TMEM132B: variants seen among roughly 807,000 people sequenced by gnomAD.
The protein encoded by TMEM132B is transmembrane protein 132B.
A neutral mutation model predicts 90.8 loss-of-function variants in TMEM132B; 18 were observed. That is an observed-to-expected ratio of 0.20 (90% confidence interval 0.14 to 0.29). The LOEUF (loss-of-function observed/expected upper bound fraction) is 0.29, where lower values mean the gene tolerates loss of function less well. TMEM132B is among the 10% of genes least tolerant of loss of function. The probability of loss-of-function intolerance (pLI) is 1.00; values close to 1 mark genes in which losing one functional copy is unlikely to be tolerated. For missense variants in TMEM132B, 1,096 were observed against 1,326.8 expected (o/e 0.83, Z 2.70); for synonymous variants, 504 against 523.3 (o/e 0.96, Z 0.50).
intron 2 of TMEM132B, among the ~76,000 whole-genome samples, chr12:125,398,382 G>T (rs1021239266): frequency 1.3e-5 from 2 of 152,210 alleles, no homozygotes. Flanking sequence ...AAAGAAGACC[G>T]ATGTGAGAAA....
At chr12:125,381,222 T>C (rs1231045938) in intron 2 of TMEM132B, among the ~76,000 whole-genome samples, 1 of 152,064 alleles carries the variant, frequency 6.6e-6, no homozygotes, top group Non-Finnish European at 1.5e-5. Context: ...AAGGCCCCAC[T>C]CTCCCATAGA....
chr12:125,194,275 G>GA (rs1337057867), intron 1 of TMEM132B, among the ~76,000 whole-genome samples: 1 of 152,016 alleles, frequency 6.6e-6, no homozygotes, highest in Non-Finnish European at 1.5e-5. Flanking sequence ...CGTTGGTGGG[G>GA]GGGTCTTACT....
chr12:125,560,552 G>A (rs1884495599), intron 4 of TMEM132B, among the ~76,000 whole-genome samples: 1 of 152,140 alleles, frequency 6.6e-6, no homozygotes, highest in Non-Finnish European at 1.5e-5. Context: ...GCCGGGCGCG[G>A]TGGCTCACGC....
chr12:125,319,168 C>T (rs1876359690), intron 1 of TMEM132B, among the ~76,000 whole-genome samples: 1 of 152,216 alleles, frequency 6.6e-6, no homozygotes, highest in African/African-American at 2.4e-5. Context: ...AGAATTTAGT[C>T]CCCATGACTA....
chr12:125,393,016 A>G lies in TMEM132B; in HGVS notation c.960-22515A>G, dbSNP rs370296153. On this transcript the variant is annotated intron_variant, in intron 2 of 8. Coordinates refer to ENST00000682704, the MANE Select transcript of TMEM132B (RefSeq NM_001366854.1). ...CCACATTTGCAACAAGGGCTCCAAC[A>G]CCAAGTTTTACTGGAGACCGTTTGC... 2.5e-4 allele frequency among the ~76,000 whole-genome samples: 38 copies of G among 152,248 alleles called. No individual in the cohort carries two copies. In the East Asian group the frequency reaches 6.8e-3, roughly 27 times the overall value.
chr12:125,649,697 C>T (rs557106406), intron 6 of TMEM132B, among the ~76,000 whole-genome samples: 6 of 152,326 alleles, frequency 3.9e-5, no homozygotes, highest in South Asian at 2.1e-4. Flanking sequence ...CCCTTCTCCC[C>T]TGACAGAATC....
At chr12:125,542,025 CAA>C (rs71306285) in intron 4 of TMEM132B, among the ~76,000 whole-genome samples, 5 of 23,310 alleles carry the variant, frequency 2.1e-4, no homozygotes, top group African/African-American at 5.7e-4. Flanking sequence ...ACCCCCGTCT[CAA>C]AAAAAAAAAA....
intron 4 of TMEM132B, among the ~76,000 whole-genome samples, chr12:125,579,752 A>C (rs965307496): frequency 3.3e-5 from 5 of 152,218 alleles, no homozygotes; most frequent in Non-Finnish European, 7.4e-5. Context: ...ATCTTTGTGT[A>C]GTAGGTCCAA....
chr12:125,332,564 A>T (rs1876811861), intron 1 of TMEM132B, among the ~76,000 whole-genome samples: 1 of 143,104 alleles, frequency 7.0e-6, no homozygotes, highest in Non-Finnish European at 1.5e-5. Flanking sequence ...TCATCTGAGA[A>T]ATTAATTCAG....
At chr12:125,563,231 A>G (rs1334510973) in intron 4 of TMEM132B, among the ~76,000 whole-genome samples, 3 of 151,758 alleles carry the variant, frequency 2.0e-5, no homozygotes, top group African/African-American at 7.3e-5. Flanking sequence ...TGTGACAGAG[A>G]CTTAAGTGAG....
At position 125,200,392 on chromosome 12, in the gene TMEM132B, T is replaced by A. The variant is rs192254891; in HGVS notation, c.67+13526T>A. ...CTATAGTATCCCATTGTTTTAAGTT[T>A]GTTTTTATACATATACCCCTTGTCT... is the stretch of plus-strand genomic sequence containing the variant. On this transcript the variant is annotated intron_variant, in intron 1 of 8. Coordinates refer to ENST00000682704, the MANE Select transcript of TMEM132B (RefSeq NM_001366854.1). 2.0e-4 allele frequency among the ~76,000 whole-genome samples: 30 copies of A among 152,346 alleles called. No individual in the cohort carries two copies. The East Asian group carries it at 5.8e-3, about 29-fold the overall frequency.
chr12:125,595,641 C>G (rs1778883413), intron 5 of TMEM132B, among the ~76,000 whole-genome samples: 1 of 152,162 alleles, frequency 6.6e-6, no homozygotes, highest in African/African-American at 2.4e-5. Context: ...CCTGTGAGGC[C>G]TGACTGTGAG....
chr12:125,349,794 A>G lies in TMEM132B; in HGVS notation c.410A>G (p.Asn137Ser), dbSNP rs1484325968. The G allele has an allele frequency of 2.5e-6, 4 of 1,614,120 alleles. No individual in the cohort carries two copies. Among genetic ancestry groups the G allele is most frequent in the Admixed American group, 3.3e-5 (2 of 60,014 alleles). ...ATCCTTGACAGCTCCATCTACTCCAACAGACCCAAAGTGCAGACCTTGTTT... is the reference window on the plus strand; with the variant it reads ...ATCCTTGACAGCTCCATCTACTCCAGCAGACCCAAAGTGCAGACCTTGTTT... ...SHILDSSIYS[N>S]RPKVQTLFYV... Residue 137 changes from asparagine to serine, a missense_variant, in exon 2 of 9, where the codon AAC (asparagine) becomes AGC (serine). Coordinates refer to ENST00000682704, the MANE Select transcript of TMEM132B (RefSeq NM_001366854.1). This position sits in a 1 kb window ranked among gnomAD's most constrained non-coding sequence, Gnocchi z 4.1.
At chr12:125,616,003 A>G (rs1885976783) in intron 5 of TMEM132B, among the ~76,000 whole-genome samples, 1 of 152,046 alleles carries the variant, frequency 6.6e-6, no homozygotes. Flanking sequence ...CAGGTTACAT[A>G]TGTATACATG....
At chr12:125,233,340 C>A (rs924008130) in intron 1 of TMEM132B, among the ~76,000 whole-genome samples, 1 of 152,190 alleles carries the variant, frequency 6.6e-6, no homozygotes, top group African/African-American at 2.4e-5. Flanking sequence ...GCTCTGCCAT[C>A]TTTGGCTTGT....
intron 2 of TMEM132B, among the ~76,000 whole-genome samples, chr12:125,364,827 T>G (rs2136257961): frequency 6.6e-6 from 1 of 152,210 alleles, no homozygotes; most frequent in Middle Eastern, 3.4e-3. Flanking sequence ...GCAATACAGT[T>G]GATTTTTTTG....
At chr12:125,396,462 C>T (rs1445496131) in intron 2 of TMEM132B, among the ~76,000 whole-genome samples, 1 of 152,158 alleles carries the variant, frequency 6.6e-6, no homozygotes, top group African/African-American at 2.4e-5. Flanking sequence ...TATATACTGT[C>T]TCCATTTAAT....
intron 1 of TMEM132B, among the ~76,000 whole-genome samples, chr12:125,317,102 C>G (rs562218889): frequency 6.6e-6 from 1 of 152,060 alleles, no homozygotes; most frequent in Non-Finnish European, 1.5e-5. Context: ...CTTGTTATCC[C>G]GATCCTTCTC....
chr12:125,638,932 C>T (rs1031560023), intron 5 of TMEM132B, among the ~76,000 whole-genome samples: 1 of 152,182 alleles, frequency 6.6e-6, no homozygotes, highest in African/African-American at 2.4e-5. Context: ...CCCAGGATGA[C>T]ATTTACAAGC....
Sources: allele counts gnomAD v4.1 joint callset (sites outside exome capture counted in the v4.1 genomes callset), GRCh38; gene constraint gnomAD v4.1.1; non-coding constraint Gnocchi (gnomAD v3.1); transcripts MANE v1.5; gene names NCBI Gene and HGNC (gene_info 2026-07-23, HGNC 2026-07-21).